The following DNAJB4 variants were observed in gnomAD, a reference collection of about 807,000 sequenced individuals.
DNAJB4 encodes DnaJ heat shock protein family (Hsp40) member B4, also known as dnaJ homolog subfamily B member 4.
DNAJB4 carries 10 observed loss-of-function variants against 26.6 expected under a neutral mutation model. That is an observed-to-expected ratio of 0.38 (90% CI 0.23 to 0.64). The LOEUF (loss-of-function observed/expected upper bound fraction) is 0.64, where lower values mean the gene tolerates loss of function less well. DNAJB4 is among the 30% of genes least tolerant of loss of function. The pLI is 0.58. For missense variants in DNAJB4, 328 were observed against 408.2 expected (o/e 0.80, Z 1.69); for synonymous variants, 136 against 134.8 (o/e 1.01, Z -0.06).
chr1:77,997,734 A>C (rs1031954527), intron 1 of DNAJB4, among the ~76,000 whole-genome samples: 1 of 152,094 alleles, frequency 6.6e-6, no homozygotes, highest in Non-Finnish European at 1.5e-5. Context: ...TTCTGTTCTG[A>C]AGTCTTTCCT....
chr1:78,012,984 A>T (rs950304893), intron 1 of DNAJB4, 67 bp from the exon 2 acceptor site: 161 of 1,395,342 alleles, frequency 1.2e-4, no homozygotes, highest in Non-Finnish European at 1.4e-4. Context: ...TTAGCAATAC[A>T]GTTTTTGAAA....
intron 1 of DNAJB4, among the ~76,000 whole-genome samples, chr1:77,983,325 C>T (rs1571419794): frequency 6.6e-6 from 1 of 152,146 alleles, no homozygotes; most frequent in East Asian, 1.9e-4. Flanking sequence ...ATTCCATTGC[C>T]CAGGGATGGG....
At chr1:77,998,957 A>G (rs1390925587) in intron 1 of DNAJB4, among the ~76,000 whole-genome samples, 1 of 152,202 alleles carries the variant, frequency 6.6e-6, no homozygotes, top group Non-Finnish European at 1.5e-5. Flanking sequence ...TGTAGCCATC[A>G]CAAAATTAAA....
chr1:77,988,149 G>T (rs1659845081), intron 1 of DNAJB4, among the ~76,000 whole-genome samples: 1 of 150,930 alleles, frequency 6.6e-6, no homozygotes, highest in Non-Finnish European at 1.5e-5. Context: ...GGCCTTCTGA[G>T]TAGCTAGGGT....
intron 1 of DNAJB4, chr1:77,981,246 G>A (rs1349418493): frequency 6.7e-6 from 1 of 149,190 alleles, no homozygotes; most frequent in East Asian, 1.9e-4. Context: ...TGAAACCTCA[G>A]CCTCCCAGGT....
intron 1 of DNAJB4, among the ~76,000 whole-genome samples, chr1:78,011,175 C>G (rs2102611764): frequency 6.6e-6 from 1 of 152,174 alleles, no homozygotes; most frequent in East Asian, 1.9e-4. Flanking sequence ...CAAATATAAT[C>G]TTTTGTGGGT....
intron 1 of DNAJB4, among the ~76,000 whole-genome samples, chr1:77,982,953 G>C (rs1659694347): frequency 6.6e-6 from 1 of 152,214 alleles, no homozygotes; most frequent in Admixed American, 6.5e-5. Context: ...TGGAACGAGA[G>C]ACTTAGGAAA....
intron 1 of DNAJB4, among the ~76,000 whole-genome samples, chr1:78,006,272 T>C (rs761687443): frequency 4.6e-5 from 7 of 152,202 alleles, no homozygotes; most frequent in Non-Finnish European, 8.8e-5. Flanking sequence ...AACGGGGCTA[T>C]GAAGTAAGAC....
At position 78,007,666 on chromosome 1, in the gene DNAJB4, GTAT is replaced by G. The variant is rs1330609316; in HGVS notation, c.211+2349_211+2351del. ...AGAATTATTCTTCCTTCACAGGAAA[GTAT>G]TATATTTGTTTGCCGTTTATTCAGA... On this transcript the variant is annotated intron_variant, in intron 1 of 2. Coordinates refer to ENST00000370763, the MANE Select transcript of DNAJB4 (RefSeq NM_007034.5). Among the ~76,000 whole-genome samples, 4 of 152,214 alleles carry G rather than the reference GTAT, an allele frequency of 2.6e-5. No homozygotes were observed. In the South Asian group the frequency reaches 6.2e-4, roughly 24 times the overall value.
intron 1 of DNAJB4, among the ~76,000 whole-genome samples, chr1:77,987,569 A>G (rs1397016232): frequency 2.0e-5 from 3 of 152,002 alleles, no homozygotes; most frequent in Non-Finnish European, 4.4e-5. Context: ...ATGCATCTTT[A>G]TTTTATATGT....
chr1:78,013,677 A>G, intron 2 of DNAJB4, 58 bp downstream of exon 2: 1 of 1,300,260 alleles, frequency 7.7e-7, no homozygotes, highest in Middle Eastern at 2.2e-4. Context: ...GATCATAGGG[A>G]GTGTATCTAG....
chr1:78,008,219 G>A (rs935509226), intron 1 of DNAJB4, among the ~76,000 whole-genome samples: 17 of 152,022 alleles, frequency 1.1e-4, no homozygotes, highest in African/African-American at 3.1e-4. Context: ...AAAAAAATAC[G>A]GATAACTCAA....
At chr1:77,983,546 A>C (rs1053112663) in intron 1 of DNAJB4, among the ~76,000 whole-genome samples, 1 of 152,114 alleles carries the variant, frequency 6.6e-6, no homozygotes, top group African/African-American at 2.4e-5. Flanking sequence ...GGCCTTCCAC[A>C]GTTTTTGTGT....
rs1660002193 is a variant in DNAJB4, at chr1:77,994,013, T to G, written c.-31-11067T>G. Among the ~76,000 whole-genome samples, 2 of 152,158 alleles carry G rather than the reference T, an allele frequency of 1.3e-5. 1 individual carries two copies. Among genetic ancestry groups the G allele is most frequent in the South Asian group, 4.1e-4 (2 of 4,830 alleles). On this transcript the variant is annotated intron_variant, in intron 1 of 2. Transcript: ENST00000426517. The stretch of plus-strand genomic sequence containing the variant: ...TTAAAGTCTTCGAATCATAGTTAAG[T>G]CTCCATGGTAGCAGTGGTTTCGTGA...
chr1:77,979,985 C>T (rs1216882589), upstream of DNAJB4, among the ~76,000 whole-genome samples: 11 of 152,026 alleles, frequency 7.2e-5, no homozygotes, highest in Admixed American at 3.9e-4. Flanking sequence ...TGGGTTCAAG[C>T]GATTCTCCTG....
chr1:77,989,169 TGTC>T (rs776692650), intron 1 of DNAJB4, among the ~76,000 whole-genome samples: 17 of 152,208 alleles, frequency 1.1e-4, no homozygotes, highest in Non-Finnish European at 2.5e-4. Flanking sequence ...ATTTATAAAT[TGTC>T]GTCGTCTACT....
chr1:77,982,184 C>T (rs567878003), intron 1 of DNAJB4, among the ~76,000 whole-genome samples: 1 of 152,254 alleles, frequency 6.6e-6, no homozygotes, highest in South Asian at 2.1e-4. Context: ...CTTGTAATTT[C>T]CTGTAAATTG....
upstream of DNAJB4, among the ~76,000 whole-genome samples, chr1:78,002,588 A>G (rs74788907): frequency 0.012 from 1,775 of 152,270 alleles, 32 homozygotes; most frequent in African/African-American, 0.041. Flanking sequence ...TTAAAATAAT[A>G]TTTAGTGGCT....
intron 1 of DNAJB4, among the ~76,000 whole-genome samples, chr1:78,006,480 G>A (rs908563968): frequency 6.6e-6 from 1 of 152,046 alleles, no homozygotes; most frequent in African/African-American, 2.4e-5. Context: ...TTCCTAATTA[G>A]AAATATATCC....
Sources: gnomAD v4.1 joint callset for allele counts (sites outside exome capture counted in the v4.1 genomes callset) on GRCh38, gnomAD v4.1.1 for gene constraint, MANE v1.5 for transcripts, NCBI Gene and HGNC (gene_info 2026-07-23, HGNC 2026-07-21) for gene names.